Variants in JAM3 observed in about 807,000 individuals in gnomAD.
JAM3 encodes junctional adhesion molecule C.
In JAM3, 31 loss-of-function variants were observed where a neutral mutation model predicts 39.4. The ratio of observed to expected loss-of-function variants is 0.79; its 90% CI spans 0.59 to 1.06. JAM3 has a LOEUF of 1.06. Among genes scored for constraint, JAM3 ranks in the 50% least tolerant of loss-of-function variants. The pLI is 0.00. For synonymous variants in JAM3, 182 were observed against 148.7 expected (o/e 1.22, Z -1.63); for missense variants, 455 against 391.4 (o/e 1.16, Z -1.37).
chr11:134,147,238 G>A (rs1339544049), intron 6 of JAM3, among the ~76,000 whole-genome samples: 1 of 151,936 alleles, frequency 6.6e-6, no homozygotes, highest in Non-Finnish European at 1.5e-5. Flanking sequence ...TGGATCACCT[G>A]AGGTCAGGAG....
At chr11:134,137,590 C>G (rs991123652) in intron 1 of JAM3, among the ~76,000 whole-genome samples, 1 of 144,666 alleles carries the variant, frequency 6.9e-6, no homozygotes, top group Admixed American at 6.8e-5. Context: ...AGTGGTGGTG[C>G]CTCGTCGAAG....
At chr11:134,113,821 T>C (rs1942367902) in intron 1 of JAM3, among the ~76,000 whole-genome samples, 1 of 152,210 alleles carries the variant, frequency 6.6e-6, no homozygotes. Flanking sequence ...AGTGTAAAAG[T>C]GTTCCTGTTT....
chr11:134,081,166 G>A (rs1941659614), intron 1 of JAM3, among the ~76,000 whole-genome samples: 1 of 152,184 alleles, frequency 6.6e-6, no homozygotes, highest in African/African-American at 2.4e-5. Context: ...TATAAGAGAA[G>A]CAGAGCATAA....
At chr11:134,146,236 T>C (rs1370598696) in intron 6 of JAM3, among the ~76,000 whole-genome samples, 191 bp downstream of exon 6, 1 of 152,108 alleles carries the variant, frequency 6.6e-6, no homozygotes, top group African/African-American at 2.4e-5. Flanking sequence ...GATAAGCAGG[T>C]CCTCAAAACA....
chr11:134,141,984 T>G (rs933108887), intron 3 of JAM3, among the ~76,000 whole-genome samples: 4 of 151,816 alleles, frequency 2.6e-5, no homozygotes, highest in African/African-American at 9.7e-5. Flanking sequence ...TCAAAAGAGT[T>G]TTGCTTCCCA....
At position 134,123,360 on chromosome 11, in the gene JAM3, GA is replaced by G. The variant is rs1400900336; in HGVS notation, c.77-16490del. ...ACATGTAGGAGAGGAAGGAAAAAAG[GA>G]GAAAAATACACCACCACCCCCCCCC... On this transcript the variant is annotated intron_variant, in intron 1 of 8. Coordinates refer to ENST00000299106, the MANE Select transcript of JAM3 (RefSeq NM_032801.5). Among the ~76,000 whole-genome samples the G allele has an allele frequency of 3.9e-5, 6 of 152,060 alleles. No homozygotes were observed. The South Asian group carries it at 1.2e-3, about 32-fold the overall frequency.
intron 1 of JAM3, among the ~76,000 whole-genome samples, chr11:134,131,571 A>C (rs1202460588): frequency 2.6e-5 from 4 of 152,200 alleles, no homozygotes; most frequent in Non-Finnish European, 5.9e-5. Context: ...TGGCTCATTT[A>C]AAGGAACTAA....
chr11:134,092,139 C>A (rs1470615902), intron 1 of JAM3, among the ~76,000 whole-genome samples: 4 of 152,154 alleles, frequency 2.6e-5, no homozygotes, highest in Non-Finnish European at 5.9e-5. Flanking sequence ...CTGATTTTCC[C>A]TCCCTGCAGT....
chr11:134,131,724 AAAG>A (rs1215703437), intron 1 of JAM3, among the ~76,000 whole-genome samples: 1 of 152,230 alleles, frequency 6.6e-6, no homozygotes, highest in Non-Finnish European at 1.5e-5. Context: ...TCCCTGAAGA[AAAG>A]GACACTATCA....
At chr11:134,083,459 C>CA (rs1941697569) in intron 1 of JAM3, among the ~76,000 whole-genome samples, 2 of 152,054 alleles carry the variant, frequency 1.3e-5, no homozygotes, top group South Asian at 4.1e-4. Context: ...TTGCAAATTG[C>CA]AAAAAACATT....
rs377049447 is a variant in JAM3 at position 134,069,176 on chromosome 11, C to T, written c.76+17C>T. 7 of 1,611,868 alleles carry T rather than the reference C, an allele frequency of 4.3e-6. No individual in the cohort carries two copies. The highest frequency in any genetic ancestry group is 5.9e-6 in the Non-Finnish European group (7 of 1,179,006). On this transcript the variant is annotated intron_variant, in intron 1 of 8. Coordinates refer to ENST00000299106, the MANE Select transcript of JAM3 (RefSeq NM_032801.5). Reference sequence around the variant, plus strand: ...TTTTCAGGGGTGAGTTTGCGCGTTTCCGCTGTTGGGAGACTAGGGTCTGGG... The same window carrying T: ...TTTTCAGGGGTGAGTTTGCGCGTTTTCGCTGTTGGGAGACTAGGGTCTGGG...
chr11:134,111,420 A>G (rs1485888338), intron 1 of JAM3, among the ~76,000 whole-genome samples: 8 of 151,982 alleles, frequency 5.3e-5, no homozygotes, highest in African/African-American at 1.4e-4. Context: ...TCTTTTAACT[A>G]TGGAAAAATA....
At chr11:134,111,847 T>C (rs950116782) in intron 1 of JAM3, among the ~76,000 whole-genome samples, 12 of 152,184 alleles carry the variant, frequency 7.9e-5, no homozygotes, top group Non-Finnish European at 1.3e-4. Flanking sequence ...GATCCATAAA[T>C]TAATAAGATA....
intron 1 of JAM3, among the ~76,000 whole-genome samples, chr11:134,087,313 G>GT (rs1463096915): frequency 2.3e-4 from 35 of 152,142 alleles, no homozygotes; most frequent in African/African-American, 8.4e-4. Flanking sequence ...AAGTATTTCT[G>GT]TTTAAGAATC....
At chr11:134,145,911 G>A in intron 5 of JAM3, 35 bp from the exon 6 acceptor site, 2 of 1,448,838 alleles carry the variant, frequency 1.4e-6, no homozygotes, top group Non-Finnish European at 1.9e-6. Context: ...GCCCCATGAT[G>A]GGTCCGATTA....
chr11:134,117,627 C>T (rs1239349686), intron 1 of JAM3, among the ~76,000 whole-genome samples: 1 of 152,170 alleles, frequency 6.6e-6, no homozygotes, highest in Non-Finnish European at 1.5e-5. Context: ...ACATGTTAAA[C>T]CTAAAGCCCA....
chr11:134,111,114 A>G (rs1158281531), intron 1 of JAM3, among the ~76,000 whole-genome samples: 3 of 144,766 alleles, frequency 2.1e-5, no homozygotes, highest in South Asian at 2.2e-4. Flanking sequence ...TGCCTGTACC[A>G]TACCCAACAC....
chr11:134,114,623 G>A (rs1056288080), intron 1 of JAM3, among the ~76,000 whole-genome samples: 13 of 152,150 alleles, frequency 8.5e-5, no homozygotes, highest in Non-Finnish European at 1.9e-4. Context: ...AGATTATTGA[G>A]AAATGTGTTA....
chr11:134,104,633 G>C (rs540198559), intron 1 of JAM3, among the ~76,000 whole-genome samples: 1 of 151,982 alleles, frequency 6.6e-6, no homozygotes, highest in Non-Finnish European at 1.5e-5. Context: ...AGAAAAGAGA[G>C]AAGAATCAAA....
Sources: allele counts gnomAD v4.1 joint callset (sites outside exome capture counted in the v4.1 genomes callset), GRCh38; gene constraint gnomAD v4.1.1; transcripts MANE v1.5; gene names NCBI Gene and HGNC (gene_info 2026-07-23, HGNC 2026-07-21).